MYO10: variants seen among roughly 807,000 people sequenced by gnomAD.
The protein encoded by MYO10 is myosin X, also known as unconventional myosin-X.
Under a neutral mutation model 257.3 loss-of-function variants are expected in MYO10, and 133 were observed. The observed-to-expected ratio is 0.52, with a 90% CI of 0.45 to 0.60. The LOEUF is 0.60. MYO10 is among the 20% of genes least tolerant of loss of function. The pLI is 0.00. For missense variants in MYO10, 2,399 were observed against 2,635.7 expected (o/e 0.91, Z 1.97); for synonymous variants, 1,104 against 1,028.6 (o/e 1.07, Z -1.40).
At chr5:16,889,548 A>G (rs950593735) in intron 1 of MYO10, among the ~76,000 whole-genome samples, 1 of 148,446 alleles carries the variant, frequency 6.7e-6, no homozygotes, top group African/African-American at 2.6e-5. Context: ...GGACGAAAGG[A>G]AGGAAAGGAA....
At chr5:16,861,859 G>A (rs1032065753) in intron 2 of MYO10, among the ~76,000 whole-genome samples, 2 of 152,014 alleles carry the variant, frequency 1.3e-5, no homozygotes, top group Non-Finnish European at 2.9e-5. Context: ...AGCCAGGTGT[G>A]GACTCCTGGA....
chr5:16,698,646 C>T (rs1395766450), intron 26 of MYO10, among the ~76,000 whole-genome samples: 2 of 55,116 alleles, frequency 3.6e-5, no homozygotes, highest in South Asian at 6.1e-4. Context: ...TTTTTTGAGA[C>T]AGCGTCTGGC....
chr5:16,879,813 T>C (rs1299819236), intron 1 of MYO10, among the ~76,000 whole-genome samples: 1 of 152,244 alleles, frequency 6.6e-6, no homozygotes, highest in African/African-American at 2.4e-5. Flanking sequence ...GAAGGAACAT[T>C]TAAGACGACA....
Position 16,671,427 on chromosome 5 carries a change from C to A in MYO10, c.5425G>T (p.Glu1809Ter). 1 of 1,613,890 alleles carries A rather than the reference C, an allele frequency of 6.2e-7. No individual in the cohort carries two copies. Among genetic ancestry groups the A allele is most frequent in the Non-Finnish European group, 8.5e-7 (1 of 1,179,844 alleles). Residue 1809 changes from glutamate (E) to a stop codon, truncating the protein, a stop_gained, in exon 38 of 41, where the codon GAA becomes TAA. Coordinates refer to ENST00000513610, the MANE Select transcript of MYO10 (RefSeq NM_012334.3). LOFTEE classifies it high-confidence loss of function. Reference protein sequence around the residue: ...KDSVEFAFMFEQAHEAVIHGH... With the variant: ...KDSVEFAFMF ...TTTCTAACTATTCCTTTTACCTGTT[C>A]AAACATAAATGCAAACTCCACACTG...
At chr5:16,789,013 G>A (rs1441982804) in intron 4 of MYO10, among the ~76,000 whole-genome samples, 2 of 152,194 alleles carry the variant, frequency 1.3e-5, no homozygotes, top group Non-Finnish European at 2.9e-5. Context: ...TGAAGGAAAA[G>A]GAATCTGATA....
At chr5:16,694,699 G>T in intron 26 of MYO10, 85 bp from the exon 27 acceptor site, 7 of 1,541,824 alleles carry the variant, frequency 4.5e-6, no homozygotes, top group Non-Finnish European at 6.2e-6. Flanking sequence ...AGGTGTTAAG[G>T]TCTAGCCGAG....
Position 16,685,701 on chromosome 5 carries a change from A to G in MYO10, c.3990+37T>C, listed in dbSNP as rs372491401. On this transcript the variant is annotated intron_variant, in intron 29 of 40. Coordinates refer to ENST00000513610, the MANE Select transcript of MYO10 (RefSeq NM_012334.3). ...TGACGCCCTCCCCGTCCCTGCCCCT[A>G]GACGCCCCACCCCCATCCCACACAG... 15 of 1,372,110 alleles carry G rather than the reference A, an allele frequency of 1.1e-5. No individual in the cohort carries two copies. The African/African-American group carries it at 2.2e-4, about 20-fold the overall frequency. 85.0% of individuals were successfully genotyped at this position (1,372,110 alleles called of 1,614,324 possible).
At chr5:16,757,724 G>A (rs1740577437) in intron 18 of MYO10, among the ~76,000 whole-genome samples, 1 of 152,142 alleles carries the variant, frequency 6.6e-6, no homozygotes, top group African/African-American at 2.4e-5. Context: ...GAGTGCAGTG[G>A]TGCAATCACA....
intron 1 of MYO10, among the ~76,000 whole-genome samples, chr5:16,886,932 C>CAA (rs75535220): frequency 9.8e-5 from 10 of 101,876 alleles, no homozygotes; most frequent in Non-Finnish European, 1.6e-4. Context: ...ACTCCATCTC[C>CAA]AAAAAAAAAA....
At chr5:16,680,694 T>C (rs1736953263) in intron 32 of MYO10, among the ~76,000 whole-genome samples, 1 of 152,236 alleles carries the variant, frequency 6.6e-6, no homozygotes, top group Non-Finnish European at 1.5e-5. Context: ...AGAAACCCTC[T>C]AAGTTACCTG....
At chr5:16,915,202 CA>C (rs1745780838) in intron 1 of MYO10, among the ~76,000 whole-genome samples, 2 of 152,100 alleles carry the variant, frequency 1.3e-5, no homozygotes, top group Non-Finnish European at 2.9e-5. Flanking sequence ...TAGTGCAAGA[CA>C]AAAAGAGTAC....
intron 4 of MYO10, among the ~76,000 whole-genome samples, chr5:16,787,941 T>C (rs1477723640): frequency 6.6e-6 from 1 of 152,200 alleles, no homozygotes; most frequent in East Asian, 1.9e-4. Context: ...TACAGGCGCC[T>C]GCCACCACGC....
intron 19 of MYO10, among the ~76,000 whole-genome samples, chr5:16,725,078 C>CTTCTT (rs1554039848): frequency 3.7e-4 from 28 of 74,942 alleles, no homozygotes; most frequent in African/African-American, 1.4e-3. Flanking sequence ...CCTTCTTCTT[C>CTTCTT]TTTTTTTTTT....
chr5:16,676,082 G>C lies in MYO10; in HGVS notation c.4615C>G (p.Pro1539Ala). 6.2e-7 allele frequency: 1 copy of C among 1,613,466 alleles called. No individual in the cohort carries two copies. The highest frequency in any genetic ancestry group is 1.1e-5 in the South Asian group (1 of 91,016). ...RNPILRYTHH[P>A]LHSPLLPLPY... ...AGGGGCAGGAGCGGGGAGTGCAAGG[G>C]GTGATGGGTGTATCGAAGGATCGGG... The change falls in exon 34 of 41, where the codon CCC (proline) becomes GCC (alanine). Residue 1539 changes from proline to alanine, a missense_variant. Pro to Ala is a conservative substitution (Grantham distance 27, BLOSUM62 -1). Around this residue, in one of 3 missense-constraint regions of MYO10, gnomAD observed 1,820 missense variants for 1,939.4 expected, o/e 0.94. Coordinates refer to ENST00000513610, the MANE Select transcript of MYO10 (RefSeq NM_012334.3).
intron 19 of MYO10, among the ~76,000 whole-genome samples, chr5:16,727,226 A>G (rs1429056299): frequency 6.6e-6 from 1 of 152,230 alleles, no homozygotes; most frequent in African/African-American, 2.4e-5. Context: ...TGTGGCTACT[A>G]GAAAACCTAA....
intron 19 of MYO10, among the ~76,000 whole-genome samples, chr5:16,729,974 G>C (rs535835914): frequency 6.6e-6 from 1 of 152,282 alleles, no homozygotes; most frequent in South Asian, 2.1e-4. Context: ...ATTAAAGGAA[G>C]AGGGGCACCG....
chr5:16,772,306 A>G (rs766113071), intron 9 of MYO10, among the ~76,000 whole-genome samples: 1 of 151,976 alleles, frequency 6.6e-6, no homozygotes, highest in African/African-American at 2.4e-5. Context: ...CTAATTTTGT[A>G]TATTTAGTAG....
intron 26 of MYO10, among the ~76,000 whole-genome samples, chr5:16,695,307 C>T (rs257049): frequency 0.34 from 51,334 of 152,018 alleles, 8,893 homozygotes; most frequent in African/African-American, 0.39. Context: ...AGACTCCAGC[C>T]TGGGTGACAG....
At chr5:16,714,924 T>C (rs370392497) in intron 19 of MYO10, among the ~76,000 whole-genome samples, 21 of 152,312 alleles carry the variant, frequency 1.4e-4, no homozygotes, top group African/African-American at 4.3e-4. Flanking sequence ...AGGGTGACTA[T>C]AGCCAATGAT....
Sources: allele counts gnomAD v4.1 joint callset (sites outside exome capture counted in the v4.1 genomes callset), GRCh38; gene constraint gnomAD v4.1.1; regional missense constraint gnomAD v4.1.1; transcripts MANE v1.5; gene names NCBI Gene and HGNC (gene_info 2026-07-23, HGNC 2026-07-21).